CACNA1E: variants seen among roughly 807,000 people sequenced by gnomAD.
CACNA1E encodes voltage-dependent R-type calcium channel subunit alpha-1E.
CACNA1E carries 40 observed loss-of-function variants against 259.2 expected under a neutral mutation model. The ratio of observed to expected loss-of-function variants is 0.15; its 90% confidence interval spans 0.12 to 0.20. The LOEUF is 0.20. CACNA1E is among the 10% of genes least tolerant of loss of function. The probability of loss-of-function intolerance (pLI) is 1.00; values close to 1 mark genes in which losing one functional copy is unlikely to be tolerated. For synonymous variants in CACNA1E, 1,104 were observed against 1,138.5 expected, an observed-to-expected ratio of 0.97 and a Z score of 0.61; for missense variants, 1,874 against 3,040.1, an observed-to-expected ratio of 0.62 and a Z score of 9.02.
At chr1:181,537,577 A>G (rs981623652) in intron 3 of CACNA1E, among the ~76,000 whole-genome samples, 1 of 152,200 alleles carries the variant, frequency 6.6e-6, no homozygotes, top group Non-Finnish European at 1.5e-5. Context: ...GTGTGTGTTC[A>G]GTCTACCTGT....
rs143295713 is a variant in CACNA1E at position 181,750,222 on chromosome 1, G to A, written c.3720-254G>A. Among the ~76,000 whole-genome samples the A allele has an allele frequency of 5.3e-5, 8 of 152,366 alleles. No individual in the cohort carries two copies. In the East Asian group the frequency reaches 1.2e-3, roughly 22 times the overall value. ...TCCCTTGTGCTGGCAGAGGGCCTTC[G>A]CCCCTGCAGGCTGGGACAGTGGCAA... On this transcript the variant is annotated intron_variant, in intron 25 of 47. Transcript: ENST00000367573.
intron 2 of CACNA1E, among the ~76,000 whole-genome samples, chr1:181,455,991 C>T (rs749025550): frequency 6.6e-6 from 1 of 152,128 alleles, no homozygotes; most frequent in Non-Finnish European, 1.5e-5. Context: ...GGATGGTTAC[C>T]ATTGACTAAA....
intron 2 of CACNA1E, among the ~76,000 whole-genome samples, chr1:181,472,793 G>A (rs1234783676): frequency 6.6e-6 from 1 of 152,222 alleles, no homozygotes; most frequent in East Asian, 1.9e-4. Flanking sequence ...AGCAGGTGGG[G>A]TGTGGGTTAA....
intron 2 of CACNA1E, among the ~76,000 whole-genome samples, chr1:181,467,019 G>A (rs1009429633): frequency 2.6e-5 from 4 of 152,236 alleles, no homozygotes; most frequent in African/African-American, 7.2e-5. Context: ...AGAAACAGCA[G>A]TGCATTAATG....
chr1:181,374,591 C>G (rs1654961372), intron 1 of CACNA1E, among the ~76,000 whole-genome samples: 1 of 133,624 alleles, frequency 7.5e-6, no homozygotes, highest in South Asian at 2.5e-4. Flanking sequence ...GCCTCCTGAA[C>G]AGCTGGGACT....
chr1:181,713,147 T>G (rs1400580500), intron 8 of CACNA1E, among the ~76,000 whole-genome samples: 1 of 152,114 alleles, frequency 6.6e-6, no homozygotes, highest in South Asian at 2.1e-4. Context: ...GGGGGATGGC[T>G]TCAGCAAATC....
chr1:181,425,778 T>G (rs1400585438), intron 2 of CACNA1E, among the ~76,000 whole-genome samples: 1 of 152,010 alleles, frequency 6.6e-6, no homozygotes, highest in African/African-American at 2.4e-5. Flanking sequence ...TCTTCCTCTT[T>G]TTCTCTCGAA....
At chr1:181,753,907 C>T (rs1201519729) in intron 27 of CACNA1E, among the ~76,000 whole-genome samples, 1 of 152,186 alleles carries the variant, frequency 6.6e-6, no homozygotes, top group African/African-American at 2.4e-5. Flanking sequence ...TGGCCCACCG[C>T]GTGGGTTCCC....
chr1:181,569,533 AT>A (rs947043443), intron 3 of CACNA1E, among the ~76,000 whole-genome samples: 8 of 152,280 alleles, frequency 5.3e-5, no homozygotes, highest in African/African-American at 1.9e-4. Flanking sequence ...TGATTCCCAA[AT>A]CAAATCACAC....
At chr1:181,541,668 G>A (rs1189045373) in intron 3 of CACNA1E, among the ~76,000 whole-genome samples, 1 of 152,196 alleles carries the variant, frequency 6.6e-6, no homozygotes, top group Non-Finnish European at 1.5e-5. Flanking sequence ...ACACCAAGCA[G>A]AGGAGCACAT....
At chr1:181,560,371 G>A (rs1649199301) in intron 3 of CACNA1E, among the ~76,000 whole-genome samples, 1 of 151,392 alleles carries the variant, frequency 6.6e-6, no homozygotes. Context: ...TTACCATTTT[G>A]GTATATTTCC....
chr1:181,420,171 A>G (rs1260113274), intron 2 of CACNA1E, among the ~76,000 whole-genome samples: 2 of 152,154 alleles, frequency 1.3e-5, no homozygotes, highest in African/African-American at 4.8e-5. Flanking sequence ...ACACTGAGTC[A>G]GGACCCTGGT....
chr1:181,551,106 C>T (rs899276948), intron 3 of CACNA1E, among the ~76,000 whole-genome samples: 1 of 152,118 alleles, frequency 6.6e-6, no homozygotes, highest in Admixed American at 6.5e-5. Context: ...CCCAGTGGCT[C>T]GTTCTCCTGT....
chr1:181,383,055 A>T (rs1252083542), intron 1 of CACNA1E, among the ~76,000 whole-genome samples: 1 of 152,176 alleles, frequency 6.6e-6, no homozygotes, highest in Non-Finnish European at 1.5e-5. Flanking sequence ...TGTTCAAATC[A>T]GGCCGTGTTC....
Position 181,540,627 on chromosome 1 carries a change from T to A in CACNA1E, c.512+29117T>A, listed in dbSNP as rs142799336. ...TAGAACGCTCATGTGAGAGGTGCCCTCCCATCCCTGGAGGAAAGGAGCATC... is the reference window on the plus strand; with the variant it reads ...TAGAACGCTCATGTGAGAGGTGCCCACCCATCCCTGGAGGAAAGGAGCATC... On this transcript the variant is annotated intron_variant, in intron 3 of 47. Coordinates refer to ENST00000367573, the MANE Select transcript of CACNA1E (RefSeq NM_001205293.3). 9.3e-4 allele frequency among the ~76,000 whole-genome samples: 141 copies of A among 152,256 alleles called. 1 individual carries two copies. The highest frequency in any genetic ancestry group is 3.3e-3 in the African/African-American group (139 of 41,546).
intron 3 of CACNA1E, among the ~76,000 whole-genome samples, chr1:181,567,164 C>G (rs573938468): frequency 6.6e-6 from 1 of 152,040 alleles, no homozygotes; most frequent in African/African-American, 2.4e-5. Flanking sequence ...CACTTCATAC[C>G]CGCTAGGATT....
intron 46 of CACNA1E, among the ~76,000 whole-genome samples, chr1:181,795,630 C>T (rs189442778): frequency 0.024 from 3,637 of 151,508 alleles, 145 homozygotes; most frequent in African/African-American, 0.081. Context: ...TTAGTAGAGA[C>T]GGGGTTTCAC....
chr1:181,706,287 A>C (rs978932372), intron 7 of CACNA1E, among the ~76,000 whole-genome samples: 1 of 152,022 alleles, frequency 6.6e-6, no homozygotes, highest in Non-Finnish European at 1.5e-5. Flanking sequence ...ATGCATCATC[A>C]TCCGAATCAC....
intron 3 of CACNA1E, among the ~76,000 whole-genome samples, chr1:181,527,042 G>A (rs1008656611): frequency 2.0e-5 from 3 of 152,204 alleles, no homozygotes; most frequent in African/African-American, 7.2e-5. Flanking sequence ...TCAATCTGTT[G>A]CTACTTGTGC....
Sources: gnomAD v4.1 joint callset for allele counts (sites outside exome capture counted in the v4.1 genomes callset) on GRCh38, gnomAD v4.1.1 for gene constraint, MANE v1.5 for transcripts, NCBI Gene and HGNC (gene_info 2026-07-23, HGNC 2026-07-21) for gene names.